The following TSC2 variants were observed in gnomAD, a reference collection of about 807,000 sequenced individuals.
The protein encoded by TSC2 is TSC complex subunit 2.
Under a neutral mutation model 202.2 loss-of-function variants are expected in TSC2, and 29 were observed. The observed-to-expected ratio is 0.14, with a 90% CI of 0.11 to 0.20. TSC2 has a LOEUF of 0.20. Ranked by LOEUF, TSC2 falls within the 10% of genes least tolerant of loss-of-function variation. The probability of loss-of-function intolerance (pLI) is 1.00; values close to 1 mark genes in which losing one functional copy is unlikely to be tolerated. For missense variants in TSC2, 2,429 were observed against 2,420.0 expected, an observed-to-expected ratio of 1.00 and a Z score of -0.08; for synonymous variants, 1,349 against 1,044.0, an observed-to-expected ratio of 1.29 and a Z score of -5.63.
chr16:2,085,278 T>G lies in TSC2; in HGVS notation c.4618T>G (p.Tyr1540Asp). The change falls in exon 36 of 42, where the codon TAC becomes GAC. Residue 1540 changes from tyrosine to aspartate, a missense_variant. Transcript: ENST00000219476. ...GCAGCTCCTCGACCAGATCCCATCATACGACACCCACAAGATCGCCGTCCT... is the reference window on the plus strand; with the variant it reads ...GCAGCTCCTCGACCAGATCCCATCAGACGACACCCACAAGATCGCCGTCCT... Reference protein sequence around the residue: ...SVQLLDQIPSYDTHKIAVLYV... With the variant: ...SVQLLDQIPSDDTHKIAVLYV... The G allele has an allele frequency of 6.2e-7, 1 of 1,612,732 alleles. No individual in the cohort carries two copies. The highest frequency in any genetic ancestry group is 1.1e-5 in the South Asian group (1 of 91,088).
At position 2,062,520 on chromosome 16, in the gene TSC2, C is replaced by G. The variant is rs45478892; in HGVS notation, c.1281C>G (p.Ile427Met). The G allele has an allele frequency of 1.9e-6, 3 of 1,611,986 alleles. No homozygotes were observed. The highest frequency in any genetic ancestry group is 3.3e-5 in the Admixed American group (2 of 59,808). ...QRPESSLLNL[I>M]SYRAQSIHPA... Reference sequence around the variant, plus strand: ...AGGAGTCCTCCCTCCTGAACCTGATCTCCTATAGAGCGCAGTCCATCCACC... The same window carrying G: ...AGGAGTCCTCCCTCCTGAACCTGATGTCCTATAGAGCGCAGTCCATCCACC... Residue 427 changes from isoleucine to methionine, a missense_variant, in exon 13 of 42, where the codon ATC becomes ATG. Coordinates refer to ENST00000219476, the MANE Select transcript of TSC2 (RefSeq NM_000548.5).
rs185907849 is a variant in TSC2, at chr16:2,061,091, G to T, written c.1119+278G>T. 140 of 484,762 alleles carry T rather than the reference G, an allele frequency of 2.9e-4. 1 individual carries two copies. The Admixed American group carries it at 4.6e-3, about 16-fold the overall frequency. 30.0% of individuals were successfully genotyped at this position (484,762 alleles called of 1,614,324 possible). A position where few individuals can be genotyped will look rare whatever the true frequency, so the allele number is the denominator to read the frequency against. ...CCACAGTCCGCAGAGTGACCTGCAG[G>T]CCGCCTTCGTGGCCTGAGTGGGCCC... On this transcript the variant is annotated intron_variant, in intron 11 of 41. Coordinates refer to ENST00000219476, the MANE Select transcript of TSC2 (RefSeq NM_000548.5).
At position 2,077,614 on chromosome 16, in the gene TSC2, C is replaced by A. The variant is rs745456980; in HGVS notation, c.2854C>A (p.Pro952Thr). Residue 952 changes from proline (P) to threonine (T), a missense_variant, in exon 26 of 42, where the codon CCC (proline) becomes ACC (threonine). Coordinates refer to ENST00000219476, the MANE Select transcript of TSC2 (RefSeq NM_000548.5). ...ERPKSLRIAR[P>T]PKQGLNNSPP... is the part of the protein sequence containing the mutation. ...ACCCGATAGTCTGAGGATAGCCAGA[C>A]CCCCCAAACAAGGCTTGAATAACTC... is the stretch of plus-strand genomic sequence containing the variant. The A allele has an allele frequency of 6.2e-7, 1 of 1,613,116 alleles. No homozygotes were observed. The highest frequency in any genetic ancestry group is 8.5e-7 in the Non-Finnish European group (1 of 1,179,992).
Position 2,058,750 on chromosome 16 carries a change from C to T in TSC2, c.852C>T (p.Ala284=), listed in dbSNP as rs1555499631. 1.3e-6 allele frequency: 2 copies of T among 1,581,086 alleles called. No homozygotes were observed. The highest frequency in any genetic ancestry group is 1.7e-6 in the Non-Finnish European group (2 of 1,163,218). The change falls in exon 10 of 42, where the codon GCC becomes GCT. Residue 284 remains alanine, a synonymous_variant. Coordinates refer to ENST00000219476, the MANE Select transcript of TSC2 (RefSeq NM_000548.5). ...TCTCTCTGGGGAACACTTTTAGAGC[C>T]TACATGGAGGACGCGCCCCTGCTGA... ...YNMCHLMEDR[A]YMEDAPLLRG... is the part of the protein sequence containing the mutation.
At chr16:2,054,108 C>T (rs886409432) in intron 4 of TSC2, 188 bp from the exon 5 acceptor site, 21 of 851,368 alleles carry the variant, frequency 2.5e-5, no homozygotes, top group Non-Finnish European at 3.5e-5. Flanking sequence ...GCTCTGCGGT[C>T]GGCCGGTGCA....
At chr16:2,065,436 A>AC in intron 15 of TSC2, 83 bp from the exon 16 acceptor site, 1 of 726,058 alleles carries the variant, frequency 1.4e-6, no homozygotes, top group Non-Finnish European at 2.3e-6. Context: ...AAAAAAAAAA[A>AC]GGTGTTTGTG....
intron 8 of TSC2, 132 bp downstream of exon 8, chr16:2,056,901 T>C: frequency 6.7e-7 from 1 of 1,498,978 alleles, no homozygotes; most frequent in Non-Finnish European, 9.2e-7. Flanking sequence ...ACGGCCAGTG[T>C]CATTTTCCCA....
chr16:2,087,850 C>T lies in TSC2; in HGVS notation c.4990-13C>T, dbSNP rs1346991628. The T allele has an allele frequency of 6.2e-6, 10 of 1,612,184 alleles. No individual in the cohort carries two copies. The highest frequency in any genetic ancestry group is 1.3e-5 in the African/African-American group (1 of 74,916). On this transcript the variant is annotated splice_polypyrimidine_tract_variant and intron_variant, in intron 38 of 41. Transcript: ENST00000219476. ...GCTGTGTGCGGGGATGACCCTTTCT[C>T]TTGTCCGGGCAGGGCCAGTTCAACT... is the stretch of plus-strand genomic sequence containing the variant.
intron 38 of TSC2, among the ~76,000 whole-genome samples, chr16:2,087,646 C>T (rs1490900466): frequency 6.6e-6 from 1 of 152,180 alleles, no homozygotes; most frequent in Non-Finnish European, 1.5e-5. Flanking sequence ...GGTGTCTTGC[C>T]TGTGGCTGCA....
rs766040643 is a variant in TSC2 at position 2,088,258 on chromosome 16, A to G, written c.5192A>G (p.Asn1731Ser). ...TCACAGGTGCATCATAGCCGCTCCA[A>G]CCCCACCGATATCTACCCCTCCAAG... is the stretch of plus-strand genomic sequence containing the variant. ...MASQVHHSRS[N>S]PTDIYPSKWI... The change falls in exon 41 of 42, where the codon AAC becomes AGC. Residue 1731 changes from asparagine (N) to serine (S), a missense_variant. Asn to Ser is a conservative substitution (Grantham distance 46, BLOSUM62 1). Coordinates refer to ENST00000219476, the MANE Select transcript of TSC2 (RefSeq NM_000548.5). The G allele has an allele frequency of 6.3e-7, 1 of 1,580,978 alleles. No individual in the cohort carries two copies. The highest frequency in any genetic ancestry group is 1.8e-5 in the Admixed American group (1 of 56,976).
At chr16:2,068,181 A>G (rs1009616419) in intron 16 of TSC2, among the ~76,000 whole-genome samples, 2 of 152,188 alleles carry the variant, frequency 1.3e-5, no homozygotes, top group Non-Finnish European at 2.9e-5. Context: ...CTGAGATGAC[A>G]GGTGCGCACC....
intron 24 of TSC2, 25 bp downstream of exon 24, chr16:2,076,195 G>C (rs375463112): frequency 1.1e-5 from 18 of 1,612,990 alleles, no homozygotes; most frequent in Non-Finnish European, 1.5e-5. Context: ...GGTGAAGGCT[G>C]TGTCTCTCGG....
In TSC2 at chr16:2,085,025, A is replaced by C. The variant is rs777406873; in HGVS notation, c.4568A>C (p.Glu1523Ala). The C allele has an allele frequency of 2.5e-6, 4 of 1,613,194 alleles. No homozygotes were observed. The highest frequency in any genetic ancestry group is 3.4e-6 in the Non-Finnish European group (4 of 1,179,966). The change falls in exon 35 of 42, where the codon GAG becomes GCG. Residue 1523 changes from glutamate (E) to alanine (A), a missense_variant and splice_region_variant. Coordinates refer to ENST00000219476, the MANE Select transcript of TSC2 (RefSeq NM_000548.5). The stretch of plus-strand genomic sequence containing the variant: ...AACAAGCCAATCCTGCTGCCCAATG[A>C]GGTAGGCGTGGCCTCCCTCTCCTGC... ...ESNKPILLPN[E>A]SQSFERSVQL...
chr16:2,083,669 C>G (rs368168472), intron 32 of TSC2, 26 bp from the exon 33 acceptor site: 10 of 1,564,916 alleles, frequency 6.4e-6, no homozygotes, highest in Non-Finnish European at 7.8e-6. Flanking sequence ...GCCCCACATC[C>G]AGCAGCCCCG....
At chr16:2,073,031 G>A (rs2088719776) in intron 21 of TSC2, 48 bp downstream of exon 21, 8 of 1,612,256 alleles carry the variant, frequency 5.0e-6, no homozygotes, top group South Asian at 1.1e-5. Context: ...CCTGGGATTC[G>A]AGGGCCTGGC....
chr16:2,084,029 G>A (rs1261631290), intron 33 of TSC2, among the ~76,000 whole-genome samples, 199 bp from the exon 34 acceptor site: 1 of 152,258 alleles, frequency 6.6e-6, no homozygotes, highest in East Asian at 1.9e-4. Context: ...AGGGGATGCT[G>A]ATACCTCTGC....
intron 9 of TSC2, among the ~76,000 whole-genome samples, chr16:2,057,986 A>G (rs1353143738): frequency 5.3e-4 from 41 of 77,186 alleles, no homozygotes; most frequent in African/African-American, 2.2e-3. Flanking sequence ...CGGCCCCTGC[A>G]TCTCTCCCAG....
In TSC2 at chr16:2,080,258, C is replaced by T. The variant is rs45448801; in HGVS notation, c.3491C>T (p.Ala1164Val). 257 of 1,612,876 alleles carry T rather than the reference C, an allele frequency of 1.6e-4. No homozygotes were observed. Among genetic ancestry groups the T allele is most frequent in the Non-Finnish European group, 1.8e-4 (215 of 1,180,026 alleles). The part of the protein sequence containing the change: ...TSPGPRTAPA[A>V]KPEKASAGTR... The stretch of plus-strand genomic sequence containing the variant: ...CCAGGACCACGGACTGCACCAGCCG[C>T]GAAACCTGAGAAGGCCTCAGCTGGC... Residue 1164 changes from alanine (A) to valine (V), a missense_variant, in exon 30 of 42, where the codon GCG becomes GTG. Transcript: ENST00000219476.
intron 5 of TSC2, chr16:2,054,990 C>T (rs1040996895): frequency 1.7e-5 from 6 of 345,980 alleles, no homozygotes; most frequent in Admixed American, 4.1e-5. Flanking sequence ...AGGTGCCTAC[C>T]GTCAGGTTTC....
Sources: allele counts gnomAD v4.1 joint callset (sites outside exome capture counted in the v4.1 genomes callset), GRCh38; gene constraint gnomAD v4.1.1; transcripts MANE v1.5; gene names NCBI Gene and HGNC (gene_info 2026-07-23, HGNC 2026-07-21).